The following LRP1B variants were observed in gnomAD, a reference collection of about 807,000 sequenced individuals.
The protein encoded by LRP1B is LDL receptor related protein 1B, also known as low-density lipoprotein receptor-related protein 1B.
A neutral mutation model predicts 556.6 loss-of-function variants in LRP1B; 217 were observed. The observed-to-expected ratio is 0.39, with a 90% CI of 0.35 to 0.44. The LOEUF is 0.44. Among genes scored for constraint, LRP1B ranks in the 20% least tolerant of loss-of-function variants. The pLI is 1.00. For missense variants in LRP1B, 5,053 were observed against 5,620.8 expected (o/e 0.90, Z 3.23); for synonymous variants, 2,047 against 1,865.8 (o/e 1.10, Z -2.50).
chr2:141,564,668 T>A (rs1686270394), intron 2 of LRP1B, among the ~76,000 whole-genome samples: 1 of 152,020 alleles, frequency 6.6e-6, no homozygotes, highest in Admixed American at 6.6e-5. Context: ...AAATGGGACA[T>A]CAGTACTAGA....
chr2:140,759,088 G>A (rs769172973), intron 35 of LRP1B, among the ~76,000 whole-genome samples: 29 of 151,904 alleles, frequency 1.9e-4, no homozygotes, highest in Non-Finnish European at 2.9e-4. Flanking sequence ...ATACAATACC[G>A]TCTACATTTT....
intron 1 of LRP1B, among the ~76,000 whole-genome samples, chr2:141,964,367 A>T (rs1426384370): frequency 6.8e-5 from 10 of 147,548 alleles, no homozygotes; most frequent in African/African-American, 2.0e-4. Flanking sequence ...ACAGTAACCA[A>T]AACAGCATGG....
At chr2:140,566,518 T>G (rs201612902) in intron 43 of LRP1B, among the ~76,000 whole-genome samples, 2 of 151,694 alleles carry the variant, frequency 1.3e-5, no homozygotes, top group South Asian at 2.1e-4. Context: ...GAGGGAAGAG[T>G]GCCCTGGTAG....
intron 3 of LRP1B, among the ~76,000 whole-genome samples, chr2:141,378,506 C>G (rs1198165293): frequency 6.6e-6 from 1 of 152,070 alleles, no homozygotes; most frequent in African/African-American, 2.4e-5. Context: ...GAGAAACCAT[C>G]TCTAAACAAG....
At chr2:141,706,660 C>A (rs1346949224) in intron 2 of LRP1B, among the ~76,000 whole-genome samples, 1 of 152,044 alleles carries the variant, frequency 6.6e-6, no homozygotes, top group Non-Finnish European at 1.5e-5. Context: ...AGGCAGAAAG[C>A]AATGTGATCT....
rs1369706903 is a variant in LRP1B, at chr2:141,662,429, G to A, written c.205+147850C>T. On this transcript the variant is annotated intron_variant, in intron 2 of 90. Coordinates refer to ENST00000389484, the MANE Select transcript of LRP1B (RefSeq NM_018557.3). Reference sequence around the variant, plus strand: ...AGACCCATCAAAGTGCTGTGTCCAAGAGACCCAGCTCATGGGCAAAGACAA... The same window carrying A: ...AGACCCATCAAAGTGCTGTGTCCAAAAGACCCAGCTCATGGGCAAAGACAA... Among the ~76,000 whole-genome samples, 3 of 152,106 alleles carry A rather than the reference G, an allele frequency of 2.0e-5. No homozygotes were observed. In the East Asian group the frequency reaches 5.8e-4, roughly 29 times the overall value.
chr2:141,657,254 T>TA (rs1319099909), intron 2 of LRP1B, among the ~76,000 whole-genome samples: 2 of 152,114 alleles, frequency 1.3e-5, no homozygotes, highest in South Asian at 2.1e-4. Context: ...AAGAAATGTA[T>TA]AGTTACACAC....
At chr2:141,685,673 G>T (rs1691268176) in intron 2 of LRP1B, among the ~76,000 whole-genome samples, 1 of 152,046 alleles carries the variant, frequency 6.6e-6, no homozygotes, top group Non-Finnish European at 1.5e-5. Context: ...GCAAAGAGAA[G>T]CAATGTGATG....
chr2:141,942,310 CTTTGAAATGCCTGTGAAGTACAGTAGCAG>C (rs1304096101), intron 1 of LRP1B, among the ~76,000 whole-genome samples: 2 of 152,234 alleles, frequency 1.3e-5, no homozygotes, highest in East Asian at 3.9e-4. Context: ...ATGGGTAATT[CTTTGAAATGCCTGTGAAGTACAGTAGCAG>C]TTTGAAGCCA....
chr2:141,821,911 G>A lies in LRP1B; in HGVS notation c.83-11510C>T, dbSNP rs375205471. ...TTCTATCATAATGAACAAATGAAAA[G>A]TACCTCTGTAAACATTTCAAATCCA... On this transcript the variant is annotated intron_variant, in intron 1 of 90. Transcript: ENST00000389484. Among the ~76,000 whole-genome samples, 27 of 152,112 alleles carry A rather than the reference G, an allele frequency of 1.8e-4. No homozygotes were observed. In the East Asian group the frequency reaches 1.9e-3, roughly 11 times the overall value.
intron 31 of LRP1B, among the ~76,000 whole-genome samples, chr2:140,815,137 T>A (rs1255949832): frequency 1.3e-5 from 2 of 149,986 alleles, no homozygotes; most frequent in African/African-American, 4.9e-5. Flanking sequence ...AAATAATTCC[T>A]TCCCTTAAAA....
At chr2:140,929,756 TCACACACACACACA>T (rs3063648) in intron 20 of LRP1B, among the ~76,000 whole-genome samples, 51 of 139,322 alleles carry the variant, frequency 3.7e-4, no homozygotes, top group East Asian at 2.8e-3. Flanking sequence ...TCATATAGAC[TCACACACACACACA>T]CACACACACA....
At chr2:140,511,936 T>C (rs1472599696) in intron 51 of LRP1B, among the ~76,000 whole-genome samples, 1 of 152,220 alleles carries the variant, frequency 6.6e-6, no homozygotes, top group Admixed American at 6.5e-5. Flanking sequence ...CATGAAACCA[T>C]AAAGTGTCCT....
At chr2:141,428,054 A>G (rs1680433708) in intron 3 of LRP1B, among the ~76,000 whole-genome samples, 1 of 152,192 alleles carries the variant, frequency 6.6e-6, no homozygotes, top group Admixed American at 6.5e-5. Context: ...CTTAAATAAC[A>G]TTATTTGCAT....
chr2:140,285,229 G>T (rs1683094258), intron 84 of LRP1B, among the ~76,000 whole-genome samples: 1 of 149,408 alleles, frequency 6.7e-6, no homozygotes, highest in Non-Finnish European at 1.5e-5. Flanking sequence ...ATATAGATAG[G>T]TATATGTATC....
At chr2:141,115,543 G>A (rs1215705189) in intron 7 of LRP1B, among the ~76,000 whole-genome samples, 2 of 138,638 alleles carry the variant, frequency 1.4e-5, no homozygotes, top group Non-Finnish European at 3.0e-5. Context: ...TGCAAGCTCC[G>A]CCTCCCGAGT....
rs1681202645 is a variant in LRP1B, at chr2:140,247,182, A to C, written c.13248-20T>G. ...GAGCATCTAAAAATATCCAAACAAC[A>C]AACAAAACAGATCAGCGAATAACAA... On this transcript the variant is annotated intron_variant, in intron 86 of 90. Coordinates refer to ENST00000389484, the MANE Select transcript of LRP1B (RefSeq NM_018557.3). The C allele has an allele frequency of 6.4e-7, 1 of 1,570,042 alleles. No homozygotes were observed. Among genetic ancestry groups the C allele is most frequent in the African/African-American group, 1.4e-5 (1 of 73,900 alleles).
At chr2:141,476,167 C>A (rs927390097) in intron 3 of LRP1B, among the ~76,000 whole-genome samples, 1 of 152,110 alleles carries the variant, frequency 6.6e-6, no homozygotes, top group Non-Finnish European at 1.5e-5. Context: ...GAGCCCATGG[C>A]GGCCCAACAG....
At chr2:140,318,032 G>T (rs1278608624) in intron 82 of LRP1B, among the ~76,000 whole-genome samples, 2 of 152,002 alleles carry the variant, frequency 1.3e-5, no homozygotes, top group Non-Finnish European at 2.9e-5. Flanking sequence ...ACTTCCCCAA[G>T]AATGAGTAAT....
Sources: allele counts gnomAD v4.1 joint callset (sites outside exome capture counted in the v4.1 genomes callset), GRCh38; gene constraint gnomAD v4.1.1; transcripts MANE v1.5; gene names NCBI Gene and HGNC (gene_info 2026-07-23, HGNC 2026-07-21).